NUP153: variants seen among roughly 807,000 people sequenced by gnomAD.
NUP153 encodes the protein nuclear pore complex protein Nup153.
In NUP153, 27 loss-of-function variants were observed where a neutral mutation model predicts 134.6. The observed-to-expected ratio is 0.20, with a 90% CI of 0.15 to 0.28. NUP153 has a LOEUF of 0.28. NUP153 is among the 10% of genes least tolerant of loss of function. NUP153 has a pLI of 1.00. For synonymous variants in NUP153, 640 were observed against 623.5 expected (o/e 1.03, Z -0.40); for missense variants, 1,821 against 1,731.3 (o/e 1.05, Z -0.92).
Position 17,637,761 on chromosome 6 carries a change from G to A in NUP153, c.1856C>T (p.Ser619Leu), listed in dbSNP as rs765173261. The A allele has an allele frequency of 2.4e-5, 39 of 1,596,444 alleles. No individual in the cohort carries two copies. The East Asian group carries it at 5.4e-4, about 22-fold the overall frequency. ...AGCAGCAACAGAATCTATCTTCGGC[G>A]ATGCGAAACCTACAATGAACGAAGG... ...LDILKSPGFA[S>L]PKIDSVAAQP... Residue 619 changes from serine (S) to leucine (L), a missense_variant, in exon 16 of 22, where the codon TCG becomes TTG. Transcript: ENST00000262077.
chr6:17,668,069 C>CTTTTTTTTTTTTTTTTTTTTTTTTTTTTT (rs762142682), intron 8 of NUP153, among the ~76,000 whole-genome samples: 1 of 87,228 alleles, frequency 1.1e-5, no homozygotes, highest in Non-Finnish European at 2.1e-5. Flanking sequence ...GTTTACTGAA[C>CTTTTTTTTTTTTTTTTTTTTTTTTTTTTT]TTTTTTTTTT....
intron 8 of NUP153, 69 bp from the exon 9 acceptor site, chr6:17,665,454 C>A (rs550044324): frequency 8.1e-7 from 1 of 1,235,018 alleles, no homozygotes; most frequent in African/African-American, 1.5e-5. Flanking sequence ...TAAATTTTGA[C>A]AATAGCTAAC....
intron 16 of NUP153, among the ~76,000 whole-genome samples, chr6:17,634,572 G>A (rs1239424989): frequency 2.0e-5 from 3 of 152,098 alleles, no homozygotes; most frequent in Non-Finnish European, 4.4e-5. Flanking sequence ...AAGTAGCTGG[G>A]ATTACGGGCA....
chr6:17,629,279 T>G lies in NUP153; in HGVS notation c.2920A>C (p.Lys974Gln), dbSNP rs1765105395. The G allele has an allele frequency of 6.2e-7, 1 of 1,610,840 alleles. No homozygotes were observed. Among genetic ancestry groups the G allele is most frequent in the Non-Finnish European group, 8.5e-7 (1 of 1,179,296 alleles). ...SSESKPEEVK[K>Q]DSKNDNFKFG... ...TTAAAATTATCATTCTTACTATCTTTTTTAACTTCTTCGGGCTTAGATTCA... is the reference window on the plus strand; with the variant it reads ...TTAAAATTATCATTCTTACTATCTTGTTTAACTTCTTCGGGCTTAGATTCA... Residue 974 changes from lysine (K) to glutamine (Q), a missense_variant, in exon 18 of 22, where the codon AAA becomes CAA. Physicochemically the swap from Lys to Gln is moderately conservative, Grantham distance 53. Coordinates refer to ENST00000262077, the MANE Select transcript of NUP153 (RefSeq NM_005124.4).
At chr6:17,686,959 A>C (rs1768973157) in intron 2 of NUP153, among the ~76,000 whole-genome samples, 1 of 151,970 alleles carries the variant, frequency 6.6e-6, no homozygotes, top group African/African-American at 2.4e-5. Flanking sequence ...TAGGTTTAAA[A>C]ATTTTCCATA....
intron 11 of NUP153, among the ~76,000 whole-genome samples, chr6:17,655,487 T>G (rs1488737306): frequency 6.6e-6 from 1 of 150,634 alleles, no homozygotes; most frequent in Non-Finnish European, 1.5e-5. Context: ...AAAGTCTCAA[T>G]CTGTCACCCA....
chr6:17,663,011 TTC>T (rs1369555412), intron 9 of NUP153, among the ~76,000 whole-genome samples: 5 of 152,164 alleles, frequency 3.3e-5, no homozygotes, highest in Non-Finnish European at 7.3e-5. Context: ...TTAGAATTTC[TTC>T]TTTTAGGCCA....
At chr6:17,685,548 CAAA>C (rs71536744) in intron 2 of NUP153, among the ~76,000 whole-genome samples, 5 of 98,640 alleles carry the variant, frequency 5.1e-5, no homozygotes, top group Admixed American at 1.1e-4. Context: ...GACTCCGTCT[CAAA>C]AAAAAAAAAA....
At position 17,680,307 on chromosome 6, in the gene NUP153, T is replaced by C. The variant is rs1253942435; in HGVS notation, c.335-4537A>G. On this transcript the variant is annotated intron_variant, in intron 2 of 21. Coordinates refer to ENST00000262077, the MANE Select transcript of NUP153 (RefSeq NM_005124.4). This position sits in a 1 kb window ranked among gnomAD's most constrained non-coding sequence, Gnocchi z 4.5. ...CACAGGGCCCAGAAATAAACTACCA[T>C]ATATGATCAAACGATCTTCAACAAG... Among the ~76,000 whole-genome samples the C allele has an allele frequency of 6.6e-6, 1 of 152,132 alleles. No individual in the cohort carries two copies. The highest frequency in any genetic ancestry group is 1.5e-5 in the Non-Finnish European group (1 of 68,026).
At chr6:17,651,632 T>G (rs1200024384) in intron 11 of NUP153, among the ~76,000 whole-genome samples, 1 of 152,196 alleles carries the variant, frequency 6.6e-6, no homozygotes, top group East Asian at 1.9e-4. Flanking sequence ...TAAGAAGGCT[T>G]ATTCCAGTAA....
rs144366531 is a variant in NUP153 at position 17,654,046 on chromosome 6, A to C, written c.1396-4746T>G. On this transcript the variant is annotated intron_variant, in intron 11 of 21. Transcript: ENST00000262077. ...CAGGTAAATTTTTCTTTTTTGATAA[A>C]GCAAATGTAACACAAAATGTTGGAA... Among the ~76,000 whole-genome samples the C allele has an allele frequency of 1.2e-4, 19 of 152,316 alleles. 1 individual carries two copies. In the East Asian group the frequency reaches 3.7e-3, roughly 29 times the overall value.
chr6:17,698,295 T>C (rs931674838), intron 1 of NUP153, among the ~76,000 whole-genome samples: 1 of 152,184 alleles, frequency 6.6e-6, no homozygotes, highest in Non-Finnish European at 1.5e-5. Flanking sequence ...ATTCAGATTA[T>C]TGAAACTAGA....
intron 8 of NUP153, among the ~76,000 whole-genome samples, chr6:17,668,717 C>T (rs1244775019): frequency 2.0e-5 from 3 of 151,844 alleles, no homozygotes; most frequent in Non-Finnish European, 4.4e-5. Context: ...ATGGCACGTG[C>T]CTGTAATCTC....
At chr6:17,689,753 G>A (rs920348462) in intron 1 of NUP153, among the ~76,000 whole-genome samples, 8 of 151,770 alleles carry the variant, frequency 5.3e-5, no homozygotes, top group African/African-American at 2.4e-5. Flanking sequence ...TCAAACTCCC[G>A]ACCTCAGGTG....
Position 17,616,195 on chromosome 6 carries a change from A to C in NUP153, c.4344-14T>G, listed in dbSNP as rs1245992341. ...TTCCCATTTGACCTGTGAAAAATAA[A>C]AACTTCATAATGTGACATGATGCTC... On this transcript the variant is annotated splice_polypyrimidine_tract_variant and intron_variant, in intron 21 of 21. Transcript: ENST00000262077. 10 of 1,602,298 alleles carry C rather than the reference A, an allele frequency of 6.2e-6. No individual in the cohort carries two copies. The South Asian group carries it at 9.9e-5, about 16-fold the overall frequency.
chr6:17,690,153 C>A (rs1249133811), intron 1 of NUP153, among the ~76,000 whole-genome samples: 1 of 149,146 alleles, frequency 6.7e-6, no homozygotes, highest in African/African-American at 2.4e-5. Context: ...GAGATTGAGA[C>A]CATCCTGGCT....
At chr6:17,686,179 A>T (rs1018812460) in intron 2 of NUP153, among the ~76,000 whole-genome samples, 1 of 137,140 alleles carries the variant, frequency 7.3e-6, no homozygotes, top group Admixed American at 7.4e-5. Context: ...GAAAGAAAGA[A>T]AAAGCCAACT....
rs752558794 is a variant in NUP153 at position 17,675,641 on chromosome 6, G to A, written c.464C>T (p.Ala155Val). Residue 155 changes from alanine (A) to valine (V), a missense_variant, in exon 3 of 22, where the codon GCA (alanine) becomes GTA (valine). Coordinates refer to ENST00000262077, the MANE Select transcript of NUP153 (RefSeq NM_005124.4). This position sits in a 1 kb window ranked among gnomAD's most constrained non-coding sequence, Gnocchi z 4.4. ...AAATCCCGAACTGCCAATTGGGAATGCCGAGGATGTAGATGGCTGACAGTG... is the reference window on the plus strand; with the variant it reads ...AAATCCCGAACTGCCAATTGGGAATACCGAGGATGTAGATGGCTGACAGTG... ...ALHCQPSTSS[A>V]FPIGSSGFSL... The A allele has an allele frequency of 1.9e-6, 3 of 1,614,198 alleles. No homozygotes were observed. Among genetic ancestry groups the A allele is most frequent in the Non-Finnish European group, 2.5e-6 (3 of 1,180,044 alleles).
At position 17,646,410 on chromosome 6, in the gene NUP153, G is replaced by A. The variant is rs1054172836; in HGVS notation, c.1633-256C>T. 1.6e-4 allele frequency among the ~76,000 whole-genome samples: 25 copies of A among 152,226 alleles called. No homozygotes were observed. The South Asian group carries it at 1.7e-3, about 10-fold the overall frequency. On this transcript the variant is annotated intron_variant, in intron 13 of 21. Coordinates refer to ENST00000262077, the MANE Select transcript of NUP153 (RefSeq NM_005124.4). Reference sequence around the variant, plus strand: ...TTTAGTAGAGATGGGGTTTCACTGTGTTAGCCAGGATGGTCTCGATCTACT... The same window carrying A: ...TTTAGTAGAGATGGGGTTTCACTGTATTAGCCAGGATGGTCTCGATCTACT...
Sources: gnomAD v4.1 joint callset for allele counts (sites outside exome capture counted in the v4.1 genomes callset) on GRCh38, gnomAD v4.1.1 for gene constraint, Gnocchi (gnomAD v3.1) non-coding constraint, MANE v1.5 for transcripts, NCBI Gene and HGNC (gene_info 2026-07-23, HGNC 2026-07-21) for gene names.